MKLN1: variants seen among roughly 807,000 people sequenced by gnomAD.
The protein encoded by MKLN1 is muskelin.
Under a neutral mutation model 99.0 loss-of-function variants are expected in MKLN1, and 18 were observed. The ratio of observed to expected loss-of-function variants is 0.18; its 90% confidence interval spans 0.13 to 0.27. The LOEUF (loss-of-function observed/expected upper bound fraction) is 0.27, where lower values mean the gene tolerates loss of function less well. Among genes scored for constraint, MKLN1 ranks in the 10% least tolerant of loss-of-function variants. MKLN1 has a pLI of 1.00. For synonymous variants in MKLN1, 288 were observed against 293.2 expected, an observed-to-expected ratio of 0.98 and a Z score of 0.18; for missense variants, 621 against 875.9, an observed-to-expected ratio of 0.71 and a Z score of 3.67.
At chr7:131,275,546 TATATATATATATATATATATA>T (rs1797950293) in intron 3 of MKLN1, among the ~76,000 whole-genome samples, 1 of 19,704 alleles carries the variant, frequency 5.1e-5, no homozygotes, top group African/African-American at 1.9e-4. Context: ...TATATATATA[TATATATATATATATATATATA>T]TTTTTTTTTT....
At position 131,495,977 on chromosome 7, in the gene MKLN1, CA is replaced by C. The variant is rs1797547915; in HGVS notation, c.*8253del. 6.6e-6 allele frequency: 1 copy of C among 152,090 alleles called. No homozygotes were observed. The highest frequency in any genetic ancestry group is 2.1e-4 in the South Asian group (1 of 4,828). 9.4% of individuals were successfully genotyped at this position (152,090 alleles called of 1,614,324 possible). On this transcript the variant is annotated 3_prime_UTR_variant, in exon 18 of 18. Transcript: ENST00000352689. ...ACACTCAAAAAGGATGAGCTATTGT[CA>C]AAAGCCAAAAGAAAAACAGACAAAA...
chr7:131,379,317 C>G (rs1793767201), intron 2 of MKLN1, among the ~76,000 whole-genome samples: 1 of 152,088 alleles, frequency 6.6e-6, no homozygotes, highest in Admixed American at 6.5e-5. Context: ...ACTTTAAGAA[C>G]TAGCAGAACA....
At chr7:131,187,728 A>C (rs1463217053) in intron 2 of MKLN1, among the ~76,000 whole-genome samples, 1 of 152,146 alleles carries the variant, frequency 6.6e-6, no homozygotes, top group East Asian at 1.9e-4. Context: ...CAGGATTTCG[A>C]GACCAGAGTC....
chr7:131,458,285 G>C (rs1343772212), intron 12 of MKLN1, among the ~76,000 whole-genome samples: 1 of 152,152 alleles, frequency 6.6e-6, no homozygotes, highest in Admixed American at 6.5e-5. Flanking sequence ...ATATTCTCAG[G>C]CATATTTGCC....
intron 3 of MKLN1, among the ~76,000 whole-genome samples, chr7:131,317,730 A>G (rs1041551651): frequency 6.7e-6 from 1 of 150,046 alleles, no homozygotes; most frequent in Non-Finnish European, 1.5e-5. Context: ...AAAGACATAC[A>G]TAGGCTCAAA....
chr7:131,487,084 T>G lies in MKLN1; in HGVS notation c.2087-523T>G, dbSNP rs776454471. On this transcript the variant is annotated intron_variant, in intron 17 of 17. Coordinates refer to ENST00000352689, the MANE Select transcript of MKLN1 (RefSeq NM_013255.5). The surrounding 1 kb of genome is among the most constrained non-coding windows in gnomAD (Gnocchi z 4.7). ...CTGTTACCACTCAGTTCCCTGAGACTACTTCCAGCTGTCTCAGAGACATTA... is the reference window on the plus strand; with the variant it reads ...CTGTTACCACTCAGTTCCCTGAGACGACTTCCAGCTGTCTCAGAGACATTA... 6.6e-6 allele frequency among the ~76,000 whole-genome samples: 1 copy of G among 152,146 alleles called. No homozygotes were observed. Among genetic ancestry groups the G allele is most frequent in the Non-Finnish European group, 1.5e-5 (1 of 68,004 alleles).
chr7:131,213,304 A>G (rs546543527), intron 3 of MKLN1, among the ~76,000 whole-genome samples: 1 of 152,290 alleles, frequency 6.6e-6, no homozygotes, highest in Admixed American at 6.5e-5. Context: ...CATTACTTGT[A>G]ATTGTTGTAC....
chr7:131,210,914 C>G (rs955837960), intron 3 of MKLN1, among the ~76,000 whole-genome samples: 1 of 151,084 alleles, frequency 6.6e-6, no homozygotes, highest in Non-Finnish European at 1.5e-5. Context: ...ATACAGTATA[C>G]TGGGTTGGTG....
At chr7:131,272,703 G>A (rs1293385187) in intron 3 of MKLN1, among the ~76,000 whole-genome samples, 1 of 152,168 alleles carries the variant, frequency 6.6e-6, no homozygotes, top group Non-Finnish European at 1.5e-5. Context: ...GGAGGTGAAA[G>A]GCACTTCTTA....
At chr7:131,120,914 C>A (rs994895404) in intron 1 of MKLN1, among the ~76,000 whole-genome samples, 2 of 152,232 alleles carry the variant, frequency 1.3e-5, no homozygotes, top group Non-Finnish European at 2.9e-5. Flanking sequence ...TTTTGTATAT[C>A]TTTATAGCAA....
At chr7:131,283,454 G>A (rs548514501) in intron 3 of MKLN1, among the ~76,000 whole-genome samples, 1 of 136,852 alleles carries the variant, frequency 7.3e-6, no homozygotes, top group African/African-American at 2.7e-5. Flanking sequence ...TTTTGAGACA[G>A]CATCTCACTC....
intron 1 of MKLN1, among the ~76,000 whole-genome samples, chr7:131,115,013 C>T (rs773980566): frequency 5.0e-4 from 75 of 151,456 alleles, no homozygotes; most frequent in South Asian, 4.2e-4. Flanking sequence ...TTGTTGTGTT[C>T]GGCAAGAAGG....
At chr7:131,389,847 C>T (rs1320807870) in intron 4 of MKLN1, among the ~76,000 whole-genome samples, 3 of 151,720 alleles carry the variant, frequency 2.0e-5, no homozygotes, top group Non-Finnish European at 4.4e-5. Flanking sequence ...CAAGATCATG[C>T]CACTGCACTC....
intron 3 of MKLN1, among the ~76,000 whole-genome samples, chr7:131,281,126 C>T: frequency 6.6e-6 from 1 of 151,768 alleles, no homozygotes; most frequent in Admixed American, 6.6e-5. Flanking sequence ...AATCCAAGGT[C>T]ATGAACATTT....
intron 3 of MKLN1, among the ~76,000 whole-genome samples, chr7:131,244,986 A>G (rs1169720200): frequency 2.0e-5 from 3 of 152,126 alleles, no homozygotes; most frequent in African/African-American, 4.8e-5. Context: ...TTACATCCCA[A>G]TGCTTTCTGT....
At chr7:131,287,387 C>T (rs1193868218) in intron 3 of MKLN1, among the ~76,000 whole-genome samples, 1 of 152,226 alleles carries the variant, frequency 6.6e-6, no homozygotes, top group Non-Finnish European at 1.5e-5. Flanking sequence ...GGGGGAGAAT[C>T]TTCTCCTTGC....
rs529114361 is a variant in MKLN1 at position 131,191,848 on chromosome 7, G to A, written c.-296-11009G>A. On this transcript the variant is annotated intron_variant, in intron 2 of 7. Coordinates refer to the MKLN1 transcript ENST00000416992. ...CATGCCTCAGCCTCTCAAGTAGCTGGGACTACAGGCAGCTGCCACCATGCC... is the reference window on the plus strand; with the variant it reads ...CATGCCTCAGCCTCTCAAGTAGCTGAGACTACAGGCAGCTGCCACCATGCC... Among the ~76,000 whole-genome samples the A allele has an allele frequency of 2.1e-4, 31 of 150,330 alleles. No homozygotes were observed. The East Asian group carries it at 2.9e-3, about 14-fold the overall frequency.
intron 2 of MKLN1, among the ~76,000 whole-genome samples, chr7:131,172,013 G>A (rs542494694): frequency 6.6e-6 from 1 of 152,322 alleles, no homozygotes; most frequent in South Asian, 2.1e-4. Context: ...GTGGAGAAGA[G>A]CTGTTAATGA....
rs1445382466 is a variant in MKLN1 at position 131,491,931 on chromosome 7, C to G, written c.*4203C>G. On this transcript the variant is annotated 3_prime_UTR_variant, in exon 18 of 18. Transcript: ENST00000352689. ...TTGTATTGCTTGGAAAAAAAAAGATCAAAATCATTCTGGGGCAAATGCTCT... is the reference window on the plus strand; with the variant it reads ...TTGTATTGCTTGGAAAAAAAAAGATGAAAATCATTCTGGGGCAAATGCTCT... 6.6e-6 allele frequency: 1 copy of G among 152,308 alleles called. No individual in the cohort carries two copies. The highest frequency in any genetic ancestry group is 1.9e-4 in the East Asian group (1 of 5,192). The allele number at this position is 152,308 out of a possible 1,614,324, so 9.4% of individuals were successfully genotyped here. A position where few individuals can be genotyped will look rare whatever the true frequency, so the allele number is the denominator to read the frequency against.
Sources: gnomAD v4.1 joint callset for allele counts (sites outside exome capture counted in the v4.1 genomes callset) on GRCh38, gnomAD v4.1.1 for gene constraint, Gnocchi (gnomAD v3.1) non-coding constraint, MANE v1.5 for transcripts, NCBI Gene and HGNC (gene_info 2026-07-23, HGNC 2026-07-21) for gene names.